ALAD: variants seen among roughly 807,000 people sequenced by gnomAD.
The protein encoded by ALAD is delta-aminolevulinic acid dehydratase.
A neutral mutation model predicts 44.4 loss-of-function variants in ALAD; 20 were observed. That is an observed-to-expected ratio of 0.45 (90% CI 0.32 to 0.65). The LOEUF (loss-of-function observed/expected upper bound fraction) is 0.65, where lower values mean the gene tolerates loss of function less well. Among genes scored for constraint, ALAD ranks in the 30% least tolerant of loss-of-function variants. The pLI is 0.05. For synonymous variants in ALAD, 156 were observed against 167.9 expected (o/e 0.93, Z 0.55); for missense variants, 323 against 445.7 (o/e 0.72, Z 2.48).
chr9:113,393,620 G>C lies in ALAD; in HGVS notation c.-61C>G. On this transcript the variant is annotated 5_prime_UTR_variant, in exon 2 of 12. Coordinates refer to ENST00000409155, the MANE Select transcript of ALAD (RefSeq NM_000031.6). ...TGGAACCGAGGGCTCCTGGGGCATT[G>C]GCTGCAGGCTCTGTCTGTGGGGGGT... is the stretch of plus-strand genomic sequence containing the variant. The C allele has an allele frequency of 7.3e-7, 1 of 1,376,032 alleles. No individual in the cohort carries two copies. Among genetic ancestry groups the C allele is most frequent in the Non-Finnish European group, 1.0e-6 (1 of 965,770 alleles). 85.2% of individuals were successfully genotyped at this position (1,376,032 alleles called of 1,614,324 possible). A position where few individuals can be genotyped will look rare whatever the true frequency, so the allele number is the denominator to read the frequency against.
At chr9:113,394,701 T>A (rs963446230) in intron 1 of ALAD, among the ~76,000 whole-genome samples, 1 of 152,124 alleles carries the variant, frequency 6.6e-6, no homozygotes, top group African/African-American at 2.4e-5. Context: ...GGCAGAACTT[T>A]TAGAAAAGTG....
intron 1 of ALAD, among the ~76,000 whole-genome samples, chr9:113,393,947 C>CT (rs1281509406): frequency 1.5e-3 from 208 of 142,882 alleles, no homozygotes; most frequent in Middle Eastern, 3.5e-3. Flanking sequence ...AAATTCTCTT[C>CT]TTTTTTTTTT....
At chr9:113,388,417 C>T in intron 11 of ALAD, 56 bp from the exon 12 acceptor site, 3 of 1,553,554 alleles carry the variant, frequency 1.9e-6, no homozygotes, top group Non-Finnish European at 2.7e-6. Context: ...GCTCTGAGCA[C>T]ACCTTCTGCG....
intron 1 of ALAD, among the ~76,000 whole-genome samples, chr9:113,400,626 T>C (rs1474451233): frequency 1.3e-5 from 2 of 151,974 alleles, no homozygotes; most frequent in Admixed American, 6.6e-5. Flanking sequence ...AGTTCGAGAC[T>C]AGCCTGACCA....
intron 10 of ALAD, 71 bp from the exon 11 acceptor site, chr9:113,389,177 C>T (rs1478122233): frequency 2.5e-6 from 4 of 1,593,094 alleles, no homozygotes; most frequent in Admixed American, 1.7e-5. Flanking sequence ...TCCCTTCCCC[C>T]CTGCTCAATC....
At position 113,386,784 on chromosome 9, in the gene ALAD, T is replaced by C. The variant is rs1003637131; in HGVS notation, c.*1516A>G. 2 of 152,146 alleles carry C rather than the reference T, an allele frequency of 1.3e-5. No homozygotes were observed. The highest frequency in any genetic ancestry group is 4.8e-5 in the African/African-American group (2 of 41,416). The allele number at this position is 152,146 out of a possible 1,614,324, so 9.4% of individuals were successfully genotyped here. A position where few individuals can be genotyped will look rare whatever the true frequency, so the allele number is the denominator to read the frequency against. ...AAGCACTCTAGATATAGCTTCCTTA[T>C]TGCAAAATGTCTCAAGCTAAGTTTA... On this transcript the variant is annotated 3_prime_UTR_variant, in exon 12 of 12. Coordinates refer to ENST00000409155, the MANE Select transcript of ALAD (RefSeq NM_000031.6).
At position 113,388,076 on chromosome 9, in the gene ALAD, A is replaced by C. The variant is rs1176193303; in HGVS notation, c.*224T>G. On this transcript the variant is annotated 3_prime_UTR_variant, in exon 12 of 12. Coordinates refer to ENST00000409155, the MANE Select transcript of ALAD (RefSeq NM_000031.6). ...CAAAGGTGGGCCTCACGGCTGACCCAGGGGAGGGGCGGGGAAGCTTGGGAG... is the reference window on the plus strand; with the variant it reads ...CAAAGGTGGGCCTCACGGCTGACCCCGGGGAGGGGCGGGGAAGCTTGGGAG... The C allele has an allele frequency of 6.7e-6, 4 of 598,878 alleles. No homozygotes were observed. The highest frequency in any genetic ancestry group is 2.4e-5 in the Admixed American group (1 of 42,064). The allele number at this position is 598,878 out of a possible 1,614,324, so 37.1% of individuals were successfully genotyped here. A position where few individuals can be genotyped will look rare whatever the true frequency, so the allele number is the denominator to read the frequency against.
In ALAD at chr9:113,390,501, G is replaced by T; in HGVS notation, c.482-8C>A. 1.2e-6 allele frequency: 2 copies of T among 1,614,104 alleles called. No homozygotes were observed. The highest frequency in any genetic ancestry group is 1.7e-6 in the Non-Finnish European group (2 of 1,180,020). On this transcript the variant is annotated splice_polypyrimidine_tract_variant and splice_region_variant and intron_variant, in intron 6 of 11. Transcript: ENST00000409155. ...GGGCTACCACCTGACATCCTGGGGG[G>T]CAGAGGGTGGCCTTCAGAACTCTGG...
intron 1 of ALAD, among the ~76,000 whole-genome samples, chr9:113,397,636 T>C (rs1328196575): frequency 1.4e-5 from 2 of 145,658 alleles, no homozygotes; most frequent in African/African-American, 5.1e-5. Flanking sequence ...TTTTTTTTTT[T>C]TTTTTTGAGA....
At chr9:113,389,180 G>A (rs769963786) in intron 10 of ALAD, 74 bp from the exon 11 acceptor site, 5 of 1,588,856 alleles carry the variant, frequency 3.1e-6, no homozygotes, top group Non-Finnish European at 4.3e-6. Context: ...CTTCCCCCCT[G>A]CTCAATCTGT....
At position 113,395,926 on chromosome 9, in the gene ALAD, G is replaced by C. The variant is rs184884054; in HGVS notation, c.-75-2292C>G. Among the ~76,000 whole-genome samples, 417 of 152,310 alleles carry C rather than the reference G, an allele frequency of 2.7e-3. 1 individual carries two copies. Among genetic ancestry groups the C allele is most frequent in the Non-Finnish European group, 4.7e-3 (319 of 68,022 alleles). ...TACAAAAATTAGGCCAGGCACGGTGGCTCACGCCTGTAATCCCAGCACTTT... is the reference window on the plus strand; with the variant it reads ...TACAAAAATTAGGCCAGGCACGGTGCCTCACGCCTGTAATCCCAGCACTTT... On this transcript the variant is annotated intron_variant, in intron 1 of 11. Coordinates refer to ENST00000409155, the MANE Select transcript of ALAD (RefSeq NM_000031.6).
In ALAD at chr9:113,388,170, C is replaced by G; in HGVS notation, c.*130G>C. 3 of 989,306 alleles carry G rather than the reference C, an allele frequency of 3.0e-6. No homozygotes were observed. Among genetic ancestry groups the G allele is most frequent in the South Asian group, 2.6e-5 (2 of 76,092 alleles). The allele number at this position is 989,306 out of a possible 1,614,324, so 61.3% of individuals were successfully genotyped here. ...GCAAAACCACCCAGGGCTGCTGGGC[C>G]CCGCTAGCATGTGAGCAGGAAGAGG... On this transcript the variant is annotated 3_prime_UTR_variant, in exon 12 of 12. Coordinates refer to ENST00000409155, the MANE Select transcript of ALAD (RefSeq NM_000031.6).
At position 113,388,303 on chromosome 9, in the gene ALAD, T is replaced by C. The variant is rs188845125; in HGVS notation, c.990A>G (p.Glu330=). The change falls in exon 12 of 12, where the codon GAA becomes GAG. Residue 330 remains glutamate (E), a synonymous_variant. Transcript: ENST00000409155. ...CTTGGGCCTGGCACTGTCTCCATCA[T>C]TCCTCCTTCAGCCACTGCAGCAGCT... ...TPQLLQWLKE[E] is the part of the protein sequence containing the mutation. 10 of 1,614,146 alleles carry C rather than the reference T, an allele frequency of 6.2e-6. No individual in the cohort carries two copies. The highest frequency in any genetic ancestry group is 1.7e-4 in the Middle Eastern group (1 of 6,048).
At chr9:113,389,339 A>G (rs1413849381) in intron 10 of ALAD, 99 bp downstream of exon 10, 2 of 1,465,798 alleles carry the variant, frequency 1.4e-6, no homozygotes, top group African/African-American at 2.8e-5. Flanking sequence ...GAGAGGATGC[A>G]TGCTTAAGGG....
Position 113,395,913 on chromosome 9 carries a change from G to A in ALAD, c.-75-2279C>T, listed in dbSNP as rs753818540. The stretch of plus-strand genomic sequence containing the variant: ...TCTCTACTAAAAATACAAAAATTAG[G>A]CCAGGCACGGTGGCTCACGCCTGTA... On this transcript the variant is annotated intron_variant, in intron 1 of 11. Coordinates refer to ENST00000409155, the MANE Select transcript of ALAD (RefSeq NM_000031.6). 3.8e-4 allele frequency among the ~76,000 whole-genome samples: 58 copies of A among 151,980 alleles called. 1 individual carries two copies. The highest frequency in any genetic ancestry group is 6.6e-5 in the Admixed American group (1 of 15,252).
chr9:113,395,427 T>A (rs539308009), intron 1 of ALAD, among the ~76,000 whole-genome samples: 1 of 152,350 alleles, frequency 6.6e-6, no homozygotes, highest in East Asian at 1.9e-4. Flanking sequence ...TAGACAGAGC[T>A]TCTGCAGGGC....
chr9:113,390,943 G>A lies in ALAD; in HGVS notation c.262-10C>T. ...CGGAACCCCGCTCGTCCTAGGGGCA[G>A]GGGAGGGACAAAGCAGTGTGTCTAT... On this transcript the variant is annotated splice_polypyrimidine_tract_variant and intron_variant, in intron 4 of 11. Coordinates refer to ENST00000409155, the MANE Select transcript of ALAD (RefSeq NM_000031.6). The A allele has an allele frequency of 1.2e-6, 2 of 1,613,998 alleles. 1 individual carries two copies. The highest frequency in any genetic ancestry group is 2.2e-5 in the South Asian group (2 of 91,080).
At chr9:113,391,845 C>T (rs1368726699) in intron 3 of ALAD, among the ~76,000 whole-genome samples, 1 of 152,202 alleles carries the variant, frequency 6.6e-6, no homozygotes, top group African/African-American at 2.4e-5. Flanking sequence ...AAGGCTCCTT[C>T]GAGGCCCTCT....
At chr9:113,399,780 A>G (rs1827812970) in intron 1 of ALAD, among the ~76,000 whole-genome samples, 1 of 151,978 alleles carries the variant, frequency 6.6e-6, no homozygotes, top group Admixed American at 6.6e-5. Context: ...GGGTCTTCGC[A>G]CAGAGGCTTA....
Sources: gnomAD v4.1 joint callset for allele counts (sites outside exome capture counted in the v4.1 genomes callset) on GRCh38, gnomAD v4.1.1 for gene constraint, MANE v1.5 for transcripts, NCBI Gene and HGNC (gene_info 2026-07-23, HGNC 2026-07-21) for gene names.